The following CCDC192 variants were observed in gnomAD, a reference collection of about 807,000 sequenced individuals.
CCDC192 encodes coiled-coil domain-containing protein 192.
chr5:127,777,808 A>G (rs554928094), intron 3 of CCDC192, among the ~76,000 whole-genome samples: 2 of 152,266 alleles, frequency 1.3e-5, no homozygotes, highest in South Asian at 4.1e-4. Context: ...GCCAGCTGCC[A>G]TGTAAGACAT....
At chr5:127,786,495 T>C in intron 3 of CCDC192, 1 of 631,798 alleles carries the variant, frequency 1.6e-6, no homozygotes. Context: ...TCCTTTTTGA[T>C]CAGCTTTGAA....
At chr5:127,885,564 A>G (rs1752530669) in intron 6 of CCDC192, among the ~76,000 whole-genome samples, 1 of 152,154 alleles carries the variant, frequency 6.6e-6, no homozygotes, top group Admixed American at 6.5e-5. Context: ...TATTTTATTT[A>G]GTAACTCAGT....
chr5:127,791,742 G>A (rs929367634), intron 3 of CCDC192, among the ~76,000 whole-genome samples: 1 of 152,192 alleles, frequency 6.6e-6, no homozygotes, highest in Non-Finnish European at 1.5e-5. Context: ...GGTAGGAGGA[G>A]AATCTGATTT....
At chr5:127,924,575 G>T (rs1231119406) in intron 6 of CCDC192, among the ~76,000 whole-genome samples, 1 of 152,186 alleles carries the variant, frequency 6.6e-6, no homozygotes, top group Admixed American at 6.5e-5. Context: ...ATTAGCATAT[G>T]ACCCCCAAGG....
chr5:127,831,515 TTGTG>T (rs202145979), intron 5 of CCDC192, among the ~76,000 whole-genome samples: 1 of 152,090 alleles, frequency 6.6e-6, no homozygotes, highest in East Asian at 1.9e-4. Flanking sequence ...AATGCCTATA[TTGTG>T]TGTGTGTGTT....
intron 2 of CCDC192, among the ~76,000 whole-genome samples, chr5:127,720,267 G>A (rs899961082): frequency 1.3e-5 from 2 of 152,152 alleles, no homozygotes; most frequent in Non-Finnish European, 2.9e-5. Context: ...GAAAAAATCA[G>A]CCCAAACAAA....
chr5:127,769,758 G>T (rs1755442720), intron 3 of CCDC192, among the ~76,000 whole-genome samples: 2 of 152,254 alleles, frequency 1.3e-5, no homozygotes, highest in South Asian at 4.2e-4. Flanking sequence ...AATTGTATAT[G>T]GCATTTGGTA....
At chr5:127,918,047 A>T (rs1753577650) in intron 6 of CCDC192, among the ~76,000 whole-genome samples, 1 of 152,042 alleles carries the variant, frequency 6.6e-6, no homozygotes, top group African/African-American at 2.4e-5. Flanking sequence ...AGGTGGGAGG[A>T]TCACGTGAGT....
chr5:127,779,062 C>T (rs1756037484), intron 3 of CCDC192, among the ~76,000 whole-genome samples: 3 of 152,010 alleles, frequency 2.0e-5, no homozygotes, highest in African/African-American at 7.2e-5. Flanking sequence ...TTTCAAGGAA[C>T]CAATATTTGG....
chr5:127,821,205 A>G (rs1198040461), intron 5 of CCDC192, among the ~76,000 whole-genome samples: 1 of 152,242 alleles, frequency 6.6e-6, no homozygotes, highest in Non-Finnish European at 1.5e-5. Flanking sequence ...TCCTTTCGAC[A>G]TGGCCTTTTT....
chr5:127,753,384 G>C (rs879358909), intron 2 of CCDC192, among the ~76,000 whole-genome samples: 5 of 152,126 alleles, frequency 3.3e-5, no homozygotes, highest in Non-Finnish European at 5.9e-5. Flanking sequence ...TCAGCTTGTA[G>C]CTGAGAAAAA....
At chr5:127,779,898 C>T (rs1756093996) in intron 3 of CCDC192, among the ~76,000 whole-genome samples, 1 of 151,952 alleles carries the variant, frequency 6.6e-6, no homozygotes, top group South Asian at 2.1e-4. Context: ...CACCCTTTCC[C>T]CTAAGTCGCC....
At chr5:127,853,562 C>T (rs1306830622) in intron 5 of CCDC192, among the ~76,000 whole-genome samples, 2 of 152,144 alleles carry the variant, frequency 1.3e-5, no homozygotes, top group Non-Finnish European at 2.9e-5. Context: ...CACCTGAAGT[C>T]AGGAGTTTGA....
chr5:127,729,970 C>T (rs1042933297), intron 2 of CCDC192, among the ~76,000 whole-genome samples: 5 of 151,894 alleles, frequency 3.3e-5, no homozygotes, highest in African/African-American at 4.8e-5. Context: ...AACTAGAGAA[C>T]CAAGAGCAAA....
At chr5:127,880,153 G>A (rs1001161240) in intron 6 of CCDC192, among the ~76,000 whole-genome samples, 18 of 149,442 alleles carry the variant, frequency 1.2e-4, no homozygotes, top group East Asian at 6.1e-4. Flanking sequence ...ACATGCACAC[G>A]TATGTTTATT....
chr5:127,812,039 G>A (rs1401783763), intron 5 of CCDC192, among the ~76,000 whole-genome samples: 1 of 152,186 alleles, frequency 6.6e-6, no homozygotes, highest in East Asian at 1.9e-4. Context: ...CTGAGTGTCT[G>A]AGTAGATTGC....
rs772597286 is a variant in CCDC192, at chr5:127,800,402, C to CAAAAAA, written c.411+2242_411+2243insAAAAAA. Among the ~76,000 whole-genome samples the CAAAAAA allele has an allele frequency of 5.1e-4, 45 of 88,314 alleles. No individual in the cohort carries two copies. In the South Asian group the frequency reaches 5.2e-3, roughly 10 times the overall value. 57.9% of individuals were successfully genotyped at this position (88,314 alleles called of 152,430 possible). A position where few individuals can be genotyped will look rare whatever the true frequency, so the allele number is the denominator to read the frequency against. ...AAAAAAAAAAAAAAAAAAAAAAAAA[C>CAAAAAA]AACAACAACAAAAAGTAGGAAGACT... On this transcript the variant is annotated intron_variant, in intron 5 of 6. Coordinates refer to ENST00000514853, the MANE Select transcript of CCDC192 (RefSeq NM_001317938.2).
chr5:127,940,850 G>A (rs922480893), intron 6 of CCDC192: 6 of 196,660 alleles, frequency 3.1e-5, no homozygotes, highest in Admixed American at 3.0e-4. Context: ...TAACATGAAC[G>A]TTAGGATGGC....
At chr5:127,725,813 T>A (rs1257132337) in intron 2 of CCDC192, among the ~76,000 whole-genome samples, 1 of 152,204 alleles carries the variant, frequency 6.6e-6, no homozygotes, top group Non-Finnish European at 1.5e-5. Flanking sequence ...CTAAACTGTG[T>A]TCAATGAAGC....
Sources: allele counts gnomAD v4.1 joint callset (sites outside exome capture counted in the v4.1 genomes callset), GRCh38; gene constraint gnomAD v4.1.1; transcripts MANE v1.5; gene names NCBI Gene and HGNC (gene_info 2026-07-23, HGNC 2026-07-21).